Variants in ROS1 observed in about 807,000 individuals in gnomAD.
ROS1 encodes ROS proto-oncogene 1, receptor tyrosine kinase.
Under a neutral mutation model 273.5 loss-of-function variants are expected in ROS1, and 263 were observed. The ratio of observed to expected loss-of-function variants is 0.96; its 90% CI spans 0.87 to 1.06. The LOEUF (loss-of-function observed/expected upper bound fraction) is 1.06. ROS1 is among the 50% of genes least tolerant of loss of function. The pLI is 0.00. For missense variants in ROS1, 2,833 were observed against 2,751.1 expected, an observed-to-expected ratio of 1.03 and a Z score of -0.67; for synonymous variants, 1,008 against 954.1, an observed-to-expected ratio of 1.06 and a Z score of -1.04.
rs1436316207 is a variant in ROS1 at position 117,317,275 on chromosome 6, G to A, written c.5988-3C>T. The stretch of plus-strand genomic sequence containing the variant: ...GAATGTTGGGATGATTAAATTTGCT[G>A]AAAGGTGGAAAGACACAGGCTGGAT... On this transcript the variant is annotated splice_region_variant and splice_polypyrimidine_tract_variant and intron_variant, in intron 38 of 43. Coordinates refer to ENST00000368507, the MANE Select transcript of ROS1 (RefSeq NM_001378902.1). 1 of 1,610,306 alleles carries A rather than the reference G, an allele frequency of 6.2e-7. No homozygotes were observed. Among genetic ancestry groups the A allele is most frequent in the Admixed American group, 1.7e-5 (1 of 59,440 alleles).
At chr6:117,389,271 T>A (rs1772846371) in intron 13 of ROS1, 79 bp downstream of exon 13, 1 of 1,485,606 alleles carries the variant, frequency 6.7e-7, no homozygotes, top group East Asian at 2.3e-5. Flanking sequence ...CTCTCAAAAT[T>A]GAATCACAAC....
rs75839039 is a variant in ROS1, at chr6:117,361,699, T to C, written c.3366+904A>G. On this transcript the variant is annotated intron_variant, in intron 22 of 43. Transcript: ENST00000368507. ...TCATGTATAACTTATTTGATTAGTA[T>C]ATGTAGACAACAAATTATCAAAATA... Among the ~76,000 whole-genome samples the C allele has an allele frequency of 2.4e-3, 359 of 151,784 alleles. 3 individuals are homozygous for C. In the East Asian group the frequency reaches 0.029, roughly 12 times the overall value.
chr6:117,336,764 T>G (rs1272459404), intron 32 of ROS1, among the ~76,000 whole-genome samples: 2 of 152,176 alleles, frequency 1.3e-5, no homozygotes, highest in East Asian at 3.8e-4. Context: ...AGAGCTCATC[T>G]CAGAGTTAAG....
chr6:117,324,280 T>A (rs2128574650), intron 35 of ROS1, 52 bp downstream of exon 35: 2 of 824,404 alleles, frequency 2.4e-6, no homozygotes. Flanking sequence ...ATCAATCAGG[T>A]ATGATTAAGT....
At chr6:117,357,604 G>A (rs2128645308) in intron 25 of ROS1, among the ~76,000 whole-genome samples, 200 bp downstream of exon 25, 1 of 152,282 alleles carries the variant, frequency 6.6e-6, no homozygotes, top group East Asian at 1.9e-4. Flanking sequence ...TAGTCAAATT[G>A]TCAGTATGCA....
intron 43 of ROS1, among the ~76,000 whole-genome samples, chr6:117,294,221 G>T (rs929524279): frequency 1.3e-5 from 2 of 152,064 alleles, no homozygotes; most frequent in African/African-American, 4.8e-5. Flanking sequence ...GAGGAAAGTT[G>T]AAAACATTTT....
Position 117,333,537 on chromosome 6 carries a change from A to G in ROS1, c.5230+3635T>C, listed in dbSNP as rs146955432. Reference sequence around the variant, plus strand: ...GATACCAAAACTGGGAAGAGACACAACAACAAACTTCGGGCCAATATACCT... The same window carrying G: ...GATACCAAAACTGGGAAGAGACACAGCAACAAACTTCGGGCCAATATACCT... On this transcript the variant is annotated intron_variant, in intron 32 of 43. Coordinates refer to ENST00000368507, the MANE Select transcript of ROS1 (RefSeq NM_001378902.1). Among the ~76,000 whole-genome samples, 451 of 152,294 alleles carry G rather than the reference A, an allele frequency of 3.0e-3. 3 individuals are homozygous for G. The highest frequency in any genetic ancestry group is 0.01 in the African/African-American group (432 of 41,578).
At chr6:117,376,120 GATAA>G (rs1781312517) in intron 18 of ROS1, among the ~76,000 whole-genome samples, 2 of 152,008 alleles carry the variant, frequency 1.3e-5, no homozygotes, top group Non-Finnish European at 1.5e-5. Flanking sequence ...TATTTGAAAA[GATAA>G]ATAAATCTCA....
In ROS1 at chr6:117,425,589, G is replaced by A. The variant is rs1562400768; in HGVS notation, c.68C>T (p.Ser23Phe). The change falls in exon 1 of 44, where the codon TCT becomes TTT. Residue 23 changes from serine to phenylalanine, a missense_variant. Transcript: ENST00000368507. ...NFATLGCLWI[S>F]VVQCTVLNSC... ...ATTTAAAACTGTACACTGCACCACA[G>A]AAATCCATAGGCAGCCAAGAGTTGC... The A allele has an allele frequency of 6.2e-7, 1 of 1,612,480 alleles. No individual in the cohort carries two copies. Among genetic ancestry groups the A allele is most frequent in the South Asian group, 1.1e-5 (1 of 90,566 alleles).
intron 18 of ROS1, among the ~76,000 whole-genome samples, chr6:117,366,621 C>T (rs1318663597): frequency 6.6e-6 from 1 of 152,166 alleles, no homozygotes; most frequent in Non-Finnish European, 1.5e-5. Flanking sequence ...TCAAGATACT[C>T]TCCTGTTTCA....
chr6:117,424,135 T>G (rs1775965019), intron 1 of ROS1, among the ~76,000 whole-genome samples: 1 of 152,052 alleles, frequency 6.6e-6, no homozygotes, highest in South Asian at 2.1e-4. Context: ...ACAACTAAAA[T>G]CAGTTTCAGT....
In ROS1 at chr6:117,304,651, C is replaced by A. The variant is rs575133510; in HGVS notation, c.6552-3514G>T. Among the ~76,000 whole-genome samples the A allele has an allele frequency of 5.3e-5, 8 of 152,272 alleles. No homozygotes were observed. The South Asian group carries it at 6.2e-4, about 12-fold the overall frequency. ...GAAACTATCCCTTTGTCCAGCATAT[C>A]TATGCTGTATATGCTACCTACCCAT... is the stretch of plus-strand genomic sequence containing the variant. On this transcript the variant is annotated intron_variant, in intron 42 of 43. Transcript: ENST00000368507.
Position 117,319,895 on chromosome 6 carries a change from T to C in ROS1, c.5895A>G (p.Gly1965=), listed in dbSNP as rs1234948425. 2 of 1,613,314 alleles carry C rather than the reference T, an allele frequency of 1.2e-6. No homozygotes were observed. The highest frequency in any genetic ancestry group is 1.7e-6 in the Non-Finnish European group (2 of 1,179,454). The change falls in exon 37 of 44, where the codon GGA becomes GGG. Residue 1965 remains glycine, a synonymous_variant. Transcript: ENST00000368507. Reference sequence around the variant, plus strand: ...TCACTGCTACTTTGATTTCTCCACTTCCAACTCCTAAGATGTCCACTGCTG... The same window carrying C: ...TCACTGCTACTTTGATTTCTCCACTCCCAACTCCTAAGATGTCCACTGCTG... The part of the protein sequence containing the change: ...EGTAVDILGV[G]SGEIKVAVKT...
intron 25 of ROS1, 125 bp from the exon 26 acceptor site, chr6:117,357,040 A>G: frequency 1.3e-6 from 1 of 790,650 alleles, no homozygotes; most frequent in Non-Finnish European, 2.0e-6. Context: ...TGGAGAGAAC[A>G]TGGTCAAGTT....
chr6:117,416,897 C>T (rs913956446), intron 2 of ROS1, among the ~76,000 whole-genome samples: 5 of 152,240 alleles, frequency 3.3e-5, no homozygotes, highest in African/African-American at 1.2e-4. Flanking sequence ...CCTGTCTTGA[C>T]CATTCCCTCC....
intron 43 of ROS1, among the ~76,000 whole-genome samples, chr6:117,291,956 A>AT (rs540864924): frequency 7.3e-4 from 108 of 147,058 alleles, no homozygotes; most frequent in African/African-American, 1.8e-3. Flanking sequence ...CCTCTGTGAC[A>AT]TTTTTTTTTT....
chr6:117,412,958 T>G (rs996091653), intron 4 of ROS1, among the ~76,000 whole-genome samples: 1 of 152,124 alleles, frequency 6.6e-6, no homozygotes, highest in Non-Finnish European at 1.5e-5. Context: ...GCAATTTTTT[T>G]TTCTATCTCA....
intron 28 of ROS1, 43 bp downstream of exon 28, chr6:117,344,017 G>C: frequency 6.7e-7 from 1 of 1,503,150 alleles, no homozygotes; most frequent in Non-Finnish European, 9.2e-7. Flanking sequence ...TATCAAAAAA[G>C]AACATCTTGT....
At chr6:117,408,686 T>A (rs1056301354) in intron 5 of ROS1, among the ~76,000 whole-genome samples, 10 of 152,104 alleles carry the variant, frequency 6.6e-5, no homozygotes, top group Non-Finnish European at 1.3e-4. Flanking sequence ...ACTAGAAATA[T>A]CATTTGACCC....
Sources: allele counts gnomAD v4.1 joint callset (sites outside exome capture counted in the v4.1 genomes callset), GRCh38; gene constraint gnomAD v4.1.1; transcripts MANE v1.5; gene names NCBI Gene and HGNC (gene_info 2026-07-23, HGNC 2026-07-21).